PHLDB2: variants seen among roughly 807,000 people sequenced by gnomAD.
PHLDB2 encodes pleckstrin homology-like domain family B member 2.
A neutral mutation model predicts 123.6 loss-of-function variants in PHLDB2; 71 were observed. The observed-to-expected ratio is 0.57, with a 90% CI of 0.47 to 0.70. PHLDB2 has a LOEUF of 0.70. Ranked by LOEUF, PHLDB2 falls within the 30% of genes least tolerant of loss-of-function variation. The probability of loss-of-function intolerance (pLI) is 0.00; values close to 1 mark genes in which losing one functional copy is unlikely to be tolerated. For synonymous variants in PHLDB2, 547 were observed against 541.6 expected (o/e 1.01, Z -0.14); for missense variants, 1,446 against 1,519.5 (o/e 0.95, Z 0.80).
At chr3:111,778,619 G>A (rs1457979444) in intron 1 of PHLDB2, among the ~76,000 whole-genome samples, 1 of 152,034 alleles carries the variant, frequency 6.6e-6, no homozygotes, top group Non-Finnish European at 1.5e-5. Flanking sequence ...CTTGACCATA[G>A]TTTTAGTGAA....
chr3:111,829,120 C>T (rs2062810073), intron 1 of PHLDB2, among the ~76,000 whole-genome samples: 1 of 152,190 alleles, frequency 6.6e-6, no homozygotes, highest in African/African-American at 2.4e-5. Context: ...CTCCTATTGA[C>T]AGCATTAATT....
intron 1 of PHLDB2, among the ~76,000 whole-genome samples, chr3:111,790,493 TAGGA>T: frequency 6.6e-6 from 1 of 152,162 alleles, no homozygotes; most frequent in African/African-American, 2.4e-5. Context: ...CTTGAGGCAT[TAGGA>T]GTTGCTCAGT....
At chr3:111,752,364 G>A (rs1007143645) in intron 1 of PHLDB2, among the ~76,000 whole-genome samples, 1 of 152,026 alleles carries the variant, frequency 6.6e-6, no homozygotes. Context: ...AATGGAATTT[G>A]TGAAGTCCCT....
At chr3:111,772,601 G>T (rs1010806909) in intron 1 of PHLDB2, among the ~76,000 whole-genome samples, 1 of 152,172 alleles carries the variant, frequency 6.6e-6, no homozygotes. Context: ...CATTTTTCTT[G>T]TAGAGGAAAT....
At chr3:111,945,081 A>T (rs6786655) in intron 8 of PHLDB2, among the ~76,000 whole-genome samples, 187 bp from the exon 9 acceptor site, 1 of 152,172 alleles carries the variant, frequency 6.6e-6, no homozygotes, top group South Asian at 2.1e-4. Flanking sequence ...CAACTCATGC[A>T]GCATATCAGC....
At chr3:111,870,510 G>C (rs1219605343) in intron 1 of PHLDB2, among the ~76,000 whole-genome samples, 2 of 152,096 alleles carry the variant, frequency 1.3e-5, no homozygotes, top group Admixed American at 1.3e-4. Context: ...GTTGTTTCTG[G>C]AGCTTCTAAT....
At chr3:111,733,181 C>T (rs11711533) in intron 1 of PHLDB2, among the ~76,000 whole-genome samples, 55,015 of 149,010 alleles carry the variant, frequency 0.37, 11,974 homozygotes, top group Middle Eastern at 0.55. Context: ...ATGATAGGCT[C>T]TCCCAGGAAG....
intron 10 of PHLDB2, among the ~76,000 whole-genome samples, chr3:111,951,107 A>G (rs141377173): frequency 3.9e-5 from 6 of 152,324 alleles, no homozygotes; most frequent in African/African-American, 1.2e-4. Flanking sequence ...ATATTTGGTC[A>G]TAGTGGGAGC....
chr3:111,937,107 C>T (rs1252790773), intron 6 of PHLDB2, among the ~76,000 whole-genome samples: 1 of 152,128 alleles, frequency 6.6e-6, no homozygotes, highest in East Asian at 1.9e-4. Flanking sequence ...ATATGTTTTT[C>T]AAATTGTGTT....
chr3:111,829,676 G>A (rs938789551), intron 1 of PHLDB2, among the ~76,000 whole-genome samples: 4 of 151,546 alleles, frequency 2.6e-5, no homozygotes, highest in Non-Finnish European at 4.4e-5. Flanking sequence ...GTTGGTCAGG[G>A]TGGTCTCGAA....
intron 1 of PHLDB2, among the ~76,000 whole-genome samples, chr3:111,780,781 T>C (rs1433362261): frequency 1.3e-5 from 2 of 152,064 alleles, no homozygotes; most frequent in Non-Finnish European, 2.9e-5. Context: ...TAGACCCAAA[T>C]GCATCAATAG....
chr3:111,803,132 C>G (rs1336372832), intron 1 of PHLDB2, among the ~76,000 whole-genome samples: 1 of 152,174 alleles, frequency 6.6e-6, no homozygotes, highest in Non-Finnish European at 1.5e-5. Context: ...TTGAAATCAG[C>G]AGTCATTCCT....
intron 1 of PHLDB2, among the ~76,000 whole-genome samples, chr3:111,793,598 G>A (rs181577280): frequency 2.0e-5 from 3 of 151,978 alleles, no homozygotes; most frequent in South Asian, 2.1e-4. Flanking sequence ...CCCCATAGCC[G>A]CCACAGCTGG....
rs1172281199 is a variant in PHLDB2 at position 111,953,771 on chromosome 3, A to AC, written c.2773-158dup. 1.6e-4 allele frequency: 84 copies of AC among 532,720 alleles called. No homozygotes were observed. In the East Asian group the frequency reaches 2.6e-3, roughly 17 times the overall value. The allele number at this position is 532,720 out of a possible 1,614,324, so 33.0% of individuals were successfully genotyped here. On this transcript the variant is annotated intron_variant, in intron 11 of 17. Transcript: ENST00000431670. ...CTGGAACTTCTCGGGAGGGCCAGTAACTGGCCTTTACCACTTAGCATCAAC... is the reference window on the plus strand; with the variant it reads ...CTGGAACTTCTCGGGAGGGCCAGTAACCTGGCCTTTACCACTTAGCATCAAC...
rs868320679 is a variant in PHLDB2, at chr3:111,884,105, G to A, written c.28G>A (p.Glu10Lys). Residue 10 changes from glutamate to lysine, a missense_variant, in exon 2 of 18, where the codon GAG (glutamate) becomes AAG (lysine). By Grantham distance (56) the Glu-to-Lys change is moderately conservative (BLOSUM62 1). Coordinates refer to ENST00000431670, the MANE Select transcript of PHLDB2 (RefSeq NM_001134438.2). The stretch of plus-strand genomic sequence containing the variant: ...GGAAGAGCATAGCTACATACAAAAG[G>A]AGCTAGATTTACAAAATGGTAGCTT... MEEHSYIQKELDLQNGSLEE... is the reference protein window; with the variant it reads MEEHSYIQKKLDLQNGSLEE... 4 of 1,613,798 alleles carry A rather than the reference G, an allele frequency of 2.5e-6. No homozygotes were observed. Among genetic ancestry groups the A allele is most frequent in the Non-Finnish European group, 3.4e-6 (4 of 1,179,748 alleles).
At chr3:111,843,758 TACAA>T (rs2063803023) in intron 1 of PHLDB2, among the ~76,000 whole-genome samples, 1 of 152,214 alleles carries the variant, frequency 6.6e-6, no homozygotes, top group Non-Finnish European at 1.5e-5. Context: ...ATATATAATT[TACAA>T]ACATTTTCTC....
intron 1 of PHLDB2, among the ~76,000 whole-genome samples, chr3:111,807,588 G>A (rs1408110254): frequency 6.6e-6 from 1 of 152,010 alleles, no homozygotes; most frequent in Non-Finnish European, 1.5e-5. Flanking sequence ...AAATAGCCAG[G>A]CGCGTGATTT....
chr3:111,765,184 A>C (rs1182723366), intron 1 of PHLDB2, among the ~76,000 whole-genome samples: 1 of 152,194 alleles, frequency 6.6e-6, no homozygotes, highest in African/African-American at 2.4e-5. Context: ...CCACCAGCAC[A>C]TGTGTTTGAA....
At chr3:111,905,799 T>A (rs1464377894) in intron 2 of PHLDB2, among the ~76,000 whole-genome samples, 1 of 152,244 alleles carries the variant, frequency 6.6e-6, no homozygotes, top group Non-Finnish European at 1.5e-5. Flanking sequence ...ACAACAGCTA[T>A]TATGTCATTA....
Sources: allele counts gnomAD v4.1 joint callset (sites outside exome capture counted in the v4.1 genomes callset), GRCh38; gene constraint gnomAD v4.1.1; transcripts MANE v1.5; gene names NCBI Gene and HGNC (gene_info 2026-07-23, HGNC 2026-07-21).